Variants in PRR16 observed in about 807,000 individuals in gnomAD.
The protein encoded by PRR16 is protein Largen.
Under a neutral mutation model 18.2 loss-of-function variants are expected in PRR16, and 6 were observed. That is an observed-to-expected ratio of 0.33 (90% CI 0.18 to 0.65). The LOEUF (loss-of-function observed/expected upper bound fraction) is 0.65. Among genes scored for constraint, PRR16 ranks in the 30% least tolerant of loss-of-function variants. PRR16 has a pLI of 0.74. For missense variants in PRR16, 412 were observed against 376.6 expected (o/e 1.09, Z -0.78); for synonymous variants, 151 against 147.8 (o/e 1.02, Z -0.16).
At chr5:120,757,226 A>C in the PRR16 span, among the ~76,000 whole-genome samples, 2 of 152,026 alleles carry the variant, frequency 1.3e-5, no homozygotes, top group African/African-American at 4.8e-5. Flanking sequence ...GTAGCCTTAT[A>C]GTACAGTTTG....
chr5:120,742,254 T>C, the PRR16 span, among the ~76,000 whole-genome samples: 11 of 147,238 alleles, frequency 7.5e-5, no homozygotes, highest in Non-Finnish European at 1.5e-4. Flanking sequence ...TTAATGCTTC[T>C]ATTTTCAATG....
At chr5:120,653,689 A>G (rs187744277) in intron 1 of PRR16, among the ~76,000 whole-genome samples, 301 of 150,862 alleles carry the variant, frequency 2.0e-3, no homozygotes, top group Non-Finnish European at 3.8e-3. Flanking sequence ...AATGCTTCAC[A>G]TTAAAAAAAA....
chr5:120,474,801 A>G lies in PRR16; in HGVS notation c.159+10156A>G, dbSNP rs140045651. The stretch of plus-strand genomic sequence containing the variant: ...AAATATGTGTGTTTTAGGATTTGGG[A>G]GAAAAAAAGGAGAAACTCAGAAAGA... On this transcript the variant is annotated intron_variant, in intron 1 of 1. Transcript: ENST00000407149. 3.5e-4 allele frequency among the ~76,000 whole-genome samples: 54 copies of G among 152,192 alleles called. No homozygotes were observed. The East Asian group carries it at 9.5e-3, about 27-fold the overall frequency.
At chr5:120,770,926 ACTCTCT>A in the PRR16 span, among the ~76,000 whole-genome samples, 2 of 131,418 alleles carry the variant, frequency 1.5e-5, no homozygotes, top group African/African-American at 6.0e-5. Context: ...TCATTGGAAC[ACTCTCT>A]CTCTCTCTCT....
At chr5:120,613,868 G>A (rs1276996915) in intron 1 of PRR16, among the ~76,000 whole-genome samples, 1 of 152,176 alleles carries the variant, frequency 6.6e-6, no homozygotes, top group Non-Finnish European at 1.5e-5. Flanking sequence ...AGCTTTAGTT[G>A]TGTTTAGGCA....
chr5:120,556,675 TA>T (rs1160571306), intron 1 of PRR16, among the ~76,000 whole-genome samples: 1 of 151,818 alleles, frequency 6.6e-6, no homozygotes, highest in Non-Finnish European at 1.5e-5. Flanking sequence ...TCAATTCAGG[TA>T]AAAAGAAACT....
chr5:120,484,119 C>T (rs1749711087), intron 1 of PRR16, among the ~76,000 whole-genome samples: 1 of 151,640 alleles, frequency 6.6e-6, no homozygotes. Flanking sequence ...GTATAACTAA[C>T]AATATTGTTT....
the PRR16 span, among the ~76,000 whole-genome samples, chr5:120,777,093 G>T: frequency 1.3e-5 from 2 of 151,996 alleles, no homozygotes; most frequent in African/African-American, 4.8e-5. Context: ...GGTTCTCATA[G>T]AGAACCTCTA....
At chr5:120,780,874 AC>A in the PRR16 span, among the ~76,000 whole-genome samples, 1 of 151,914 alleles carries the variant, frequency 6.6e-6, no homozygotes, top group Admixed American at 6.6e-5. Context: ...ACATGGTGAA[AC>A]CCCATCGCTA....
rs897969893 is a variant in PRR16 at position 120,464,429 on chromosome 5, G to A, written c.-58G>A. 4.9e-5 allele frequency: 74 copies of A among 1,496,506 alleles called. No individual in the cohort carries two copies. The African/African-American group carries it at 9.3e-4, about 19-fold the overall frequency. 92.7% of individuals were successfully genotyped at this position (1,496,506 alleles called of 1,614,324 possible). On this transcript the variant is annotated 5_prime_UTR_variant, in exon 1 of 2. Coordinates refer to ENST00000407149, the MANE Select transcript of PRR16 (RefSeq NM_001300783.2). ...GGCCGTAGCAGCGCCAGGGACGGGGGCACGCAGCAGCCTCCGCTCGCCCGC... is the reference window on the plus strand; with the variant it reads ...GGCCGTAGCAGCGCCAGGGACGGGGACACGCAGCAGCCTCCGCTCGCCCGC...
At chr5:120,774,605 C>G in the PRR16 span, among the ~76,000 whole-genome samples, 1 of 152,056 alleles carries the variant, frequency 6.6e-6, no homozygotes, top group Admixed American at 6.5e-5. Context: ...ACTGTCAATC[C>G]TGCTGAGTTG....
chr5:120,469,345 A>T (rs776711969), intron 1 of PRR16, among the ~76,000 whole-genome samples: 8 of 152,224 alleles, frequency 5.3e-5, no homozygotes, highest in Non-Finnish European at 1.0e-4. Flanking sequence ...TGTTTGAGAC[A>T]GTATCTTGCC....
chr5:120,585,252 C>T (rs79487931), intron 1 of PRR16, among the ~76,000 whole-genome samples: 8,459 of 152,182 alleles, frequency 0.056, 309 homozygotes, highest in South Asian at 0.081. Context: ...TACAATTACA[C>T]AATAATGTAA....
At chr5:120,630,577 CTT>C (rs35131515) in intron 1 of PRR16, among the ~76,000 whole-genome samples, 6 of 151,364 alleles carry the variant, frequency 4.0e-5, no homozygotes, top group South Asian at 2.1e-4. Flanking sequence ...AAACGAACAC[CTT>C]TTTTTTTTCA....
At chr5:120,759,496 T>C in the PRR16 span, among the ~76,000 whole-genome samples, 1 of 152,014 alleles carries the variant, frequency 6.6e-6, no homozygotes, top group Admixed American at 6.6e-5. Context: ...ACAGTAAAAA[T>C]ATAAGTGGCT....
At chr5:120,736,384 C>CTA in the PRR16 span, among the ~76,000 whole-genome samples, 2 of 152,146 alleles carry the variant, frequency 1.3e-5, no homozygotes, top group Admixed American at 1.3e-4. Context: ...CCTGAGTCAG[C>CTA]CTCCCGAGTA....
chr5:120,699,861 G>A, the PRR16 span, among the ~76,000 whole-genome samples: 1 of 152,172 alleles, frequency 6.6e-6, no homozygotes, highest in Non-Finnish European at 1.5e-5. Context: ...GGCAGGGAGA[G>A]CATGTGTGTT....
chr5:120,733,688 G>A, the PRR16 span, among the ~76,000 whole-genome samples: 1 of 152,166 alleles, frequency 6.6e-6, no homozygotes, highest in East Asian at 1.9e-4. Context: ...TTTTCAAACT[G>A]TAATTAATAC....
the PRR16 span, among the ~76,000 whole-genome samples, chr5:120,723,552 A>C: frequency 6.6e-6 from 1 of 152,046 alleles, no homozygotes; most frequent in East Asian, 1.9e-4. Context: ...TCAGTAAAGC[A>C]AATGTGCTGG....
Sources: allele counts gnomAD v4.1 joint callset (sites outside exome capture counted in the v4.1 genomes callset), GRCh38; gene constraint gnomAD v4.1.1; transcripts MANE v1.5; gene names NCBI Gene and HGNC (gene_info 2026-07-23, HGNC 2026-07-21).